PARD3B: variants seen among roughly 807,000 people sequenced by gnomAD.
PARD3B encodes partitioning defective 3 homolog B.
PARD3B carries 103 observed loss-of-function variants against 130.2 expected under a neutral mutation model. The ratio of observed to expected loss-of-function variants is 0.79; its 90% CI spans 0.67 to 0.93. PARD3B has a LOEUF of 0.93. Ranked by LOEUF, PARD3B falls within the 40% of genes least tolerant of loss-of-function variation. The pLI, the probability that PARD3B is intolerant of heterozygous loss-of-function variation, is 0.00. For missense variants in PARD3B, 1,609 were observed against 1,499.2 expected (o/e 1.07, Z -1.21); for synonymous variants, 583 against 553.2 (o/e 1.05, Z -0.76).
chr2:204,895,663 C>T (rs1291902850), intron 2 of PARD3B, among the ~76,000 whole-genome samples: 4 of 151,978 alleles, frequency 2.6e-5, no homozygotes, highest in Admixed American at 2.6e-4. Context: ...AAAAAAAGAA[C>T]CAATACTAAC....
chr2:204,763,646 G>A (rs1559125835), intron 2 of PARD3B, among the ~76,000 whole-genome samples: 1 of 152,290 alleles, frequency 6.6e-6, no homozygotes, highest in African/African-American at 2.4e-5. Context: ...AGTGACTGAC[G>A]CATAGCCTCA....
intron 21 of PARD3B, among the ~76,000 whole-genome samples, chr2:205,503,024 C>G (rs1339490205): frequency 1.3e-5 from 2 of 149,976 alleles, no homozygotes; most frequent in African/African-American, 4.9e-5. Flanking sequence ...TCTCCCCTCT[C>G]CCCTCTCTCT....
chr2:205,598,736 AT>A (rs2054666381), intron 22 of PARD3B, among the ~76,000 whole-genome samples: 1 of 152,194 alleles, frequency 6.6e-6, no homozygotes, highest in Non-Finnish European at 1.5e-5. Flanking sequence ...ATCTGAATAC[AT>A]TTTTAAAAAT....
intron 4 of PARD3B, among the ~76,000 whole-genome samples, chr2:205,059,448 C>T (rs1699932496): frequency 6.6e-6 from 1 of 151,920 alleles, no homozygotes; most frequent in Non-Finnish European, 1.5e-5. Context: ...CATTTGTCTC[C>T]CTTTCTGCTA....
chr2:205,055,392 AC>A (rs1353555602), intron 4 of PARD3B, among the ~76,000 whole-genome samples: 18 of 152,194 alleles, frequency 1.2e-4, no homozygotes, highest in African/African-American at 3.4e-4. Flanking sequence ...AAAAGAAAGA[AC>A]ATTTACGACG....
chr2:205,415,732 AT>A lies in PARD3B; in HGVS notation c.2741+14618del, dbSNP rs754051448. Among the ~76,000 whole-genome samples the A allele has an allele frequency of 2.8e-3, 427 of 151,868 alleles. 2 individuals carry two copies. The highest frequency in any genetic ancestry group is 6.8e-3 in the African/African-American group (282 of 41,418). On this transcript the variant is annotated intron_variant, in intron 19 of 22. Transcript: ENST00000406610. ...CTTGACTGTGCCTCAATTCAAAGAA[AT>A]TTTTTTTTAATTGTGACATAATAAA...
Position 205,248,529 on chromosome 2 carries a change from A to G in PARD3B, c.2185+2707A>G, listed in dbSNP as rs114346385. On this transcript the variant is annotated intron_variant, in intron 16 of 22. Transcript: ENST00000406610. ...TTCACCTGTAGTCTCAGTCGGCTAC[A>G]GGTCATCTGTGACCACTAAGCAAGT... Among the ~76,000 whole-genome samples the G allele has an allele frequency of 3.5e-3, 529 of 151,640 alleles. 2 individuals carry two copies. Among genetic ancestry groups the G allele is most frequent in the African/African-American group, 0.012 (506 of 41,314 alleles).
chr2:204,638,111 G>A (rs1363747476), intron 1 of PARD3B, among the ~76,000 whole-genome samples: 8 of 152,036 alleles, frequency 5.3e-5, no homozygotes, highest in Admixed American at 6.6e-5. Flanking sequence ...CAAACTATGC[G>A]TTTTCTTATA....
At chr2:204,988,852 A>C (rs577117037) in intron 3 of PARD3B, among the ~76,000 whole-genome samples, 1 of 152,348 alleles carries the variant, frequency 6.6e-6, no homozygotes, top group Non-Finnish European at 1.5e-5. Context: ...AATGCTGTCC[A>C]CGCCCTGACA....
chr2:205,503,349 T>A (rs1422431909), intron 21 of PARD3B, among the ~76,000 whole-genome samples: 1 of 152,080 alleles, frequency 6.6e-6, no homozygotes, highest in Non-Finnish European at 1.5e-5. Context: ...AGGAAAACTA[T>A]AGAGACATTT....
intron 1 of PARD3B, among the ~76,000 whole-genome samples, chr2:204,634,239 C>T (rs1030949089): frequency 4.6e-5 from 7 of 152,082 alleles, no homozygotes; most frequent in African/African-American, 1.2e-4. Flanking sequence ...TGAGAACATG[C>T]GATGTTGGTC....
intron 10 of PARD3B, among the ~76,000 whole-genome samples, chr2:205,156,177 C>T (rs2034120055): frequency 1.3e-5 from 2 of 148,966 alleles, no homozygotes; most frequent in South Asian, 4.2e-4. Flanking sequence ...AAACCAAACA[C>T]CACATGTTCT....
intron 20 of PARD3B, among the ~76,000 whole-genome samples, chr2:205,472,629 T>C (rs1392980273): frequency 6.6e-6 from 1 of 152,188 alleles, no homozygotes; most frequent in Non-Finnish European, 1.5e-5. Context: ...TCTTTATTCT[T>C]AAAACTCACT....
intron 1 of PARD3B, among the ~76,000 whole-genome samples, chr2:204,616,278 A>C (rs1388629762): frequency 6.6e-6 from 1 of 152,210 alleles, no homozygotes; most frequent in Non-Finnish European, 1.5e-5. Context: ...TTCCAATAAG[A>C]AAATGAAAAA....
intron 22 of PARD3B, among the ~76,000 whole-genome samples, chr2:205,607,303 A>AAT (rs58896692): frequency 0.023 from 3,571 of 152,230 alleles, 134 homozygotes; most frequent in African/African-American, 0.08. Flanking sequence ...TGTGTTTCCA[A>AAT]ATATAAACCA....
chr2:204,839,837 G>A (rs1437339996), intron 2 of PARD3B, among the ~76,000 whole-genome samples: 2 of 152,120 alleles, frequency 1.3e-5, no homozygotes, highest in African/African-American at 2.4e-5. Flanking sequence ...TGTCATAGAA[G>A]TTTAAAAACT....
At chr2:204,547,272 C>A (rs571903242) in intron 1 of PARD3B, among the ~76,000 whole-genome samples, 26 of 152,162 alleles carry the variant, frequency 1.7e-4, no homozygotes, top group African/African-American at 6.3e-4. Context: ...AATTATTATA[C>A]AGAAAAAAAA....
chr2:205,012,735 A>G (rs1023495294), intron 3 of PARD3B, among the ~76,000 whole-genome samples: 1 of 152,214 alleles, frequency 6.6e-6, no homozygotes, highest in Non-Finnish European at 1.5e-5. Context: ...ATTTATCTTC[A>G]GTTTTCAGTG....
At chr2:205,053,339 A>T (rs1699363487) in intron 4 of PARD3B, among the ~76,000 whole-genome samples, 1 of 150,476 alleles carries the variant, frequency 6.6e-6, no homozygotes, top group Non-Finnish European at 1.5e-5. Context: ...GTTGCTGACT[A>T]TCAAAATCCA....
Sources: gnomAD v4.1 joint callset for allele counts (sites outside exome capture counted in the v4.1 genomes callset) on GRCh38, gnomAD v4.1.1 for gene constraint, MANE v1.5 for transcripts, NCBI Gene and HGNC (gene_info 2026-07-23, HGNC 2026-07-21) for gene names.